The following AK8 variants were observed in gnomAD, a reference collection of about 807,000 sequenced individuals.
AK8 encodes ATP-AMP transphosphorylase 8.
AK8 carries 44 observed loss-of-function variants against 54.6 expected under a neutral mutation model. The observed-to-expected ratio is 0.81, with a 90% CI of 0.63 to 1.04. AK8 has a LOEUF of 1.04. Ranked by LOEUF, AK8 falls within the 50% of genes least tolerant of loss-of-function variation. The pLI, the probability that AK8 is intolerant of heterozygous loss-of-function variation, is 0.00. For missense variants in AK8, 555 were observed against 613.6 expected (o/e 0.90, Z 1.01); for synonymous variants, 239 against 245.6 (o/e 0.97, Z 0.25).
At chr9:132,854,126 G>A (rs570049757) in intron 5 of AK8, among the ~76,000 whole-genome samples, 67 of 152,268 alleles carry the variant, frequency 4.4e-4, no homozygotes, top group Non-Finnish European at 6.8e-4. Context: ...ACTTGAGCCT[G>A]GGAAGTTGAG....
chr9:132,755,518 C>T (rs897565779), intron 11 of AK8, among the ~76,000 whole-genome samples: 1 of 152,336 alleles, frequency 6.6e-6, no homozygotes, highest in African/African-American at 2.4e-5. Flanking sequence ...GGCAGGACTG[C>T]GCCTCACTCC....
chr9:132,820,317 C>T (rs1461728150), intron 9 of AK8, among the ~76,000 whole-genome samples: 1 of 151,972 alleles, frequency 6.6e-6, no homozygotes, highest in African/African-American at 2.4e-5. Context: ...AACTAACATG[C>T]TTTTTTGAAC....
At chr9:132,782,128 C>A (rs191591708) in intron 11 of AK8, among the ~76,000 whole-genome samples, 1 of 152,136 alleles carries the variant, frequency 6.6e-6, no homozygotes, top group Non-Finnish European at 1.5e-5. Context: ...CCGTGGTGAA[C>A]GGAAGAGTGT....
intron 10 of AK8, among the ~76,000 whole-genome samples, chr9:132,802,487 A>C (rs1405575479): frequency 1.3e-5 from 2 of 152,096 alleles, no homozygotes; most frequent in Non-Finnish European, 2.9e-5. Flanking sequence ...GCCGCCCTTG[A>C]ACTCTCTGGA....
chr9:132,875,862 CACTA>C (rs1237658429), intron 1 of AK8, among the ~76,000 whole-genome samples: 1 of 152,244 alleles, frequency 6.6e-6, no homozygotes, highest in Non-Finnish European at 1.5e-5. Context: ...TGACCGTCAC[CACTA>C]ACTGTGTCTC....
At chr9:132,795,084 A>G (rs555890430) in intron 10 of AK8, among the ~76,000 whole-genome samples, 2 of 152,352 alleles carry the variant, frequency 1.3e-5, no homozygotes, top group South Asian at 2.1e-4. Context: ...CCTGGGATAA[A>G]GGATGACAGA....
chr9:132,811,654 G>A (rs569135742), intron 10 of AK8, among the ~76,000 whole-genome samples: 3 of 152,356 alleles, frequency 2.0e-5, no homozygotes, highest in South Asian at 4.1e-4. Flanking sequence ...AGTACCCAGA[G>A]ATGGCAAAGA....
chr9:132,814,735 A>T lies in AK8; in HGVS notation c.890-8T>A, dbSNP rs1841240358. The T allele has an allele frequency of 4.3e-6, 7 of 1,612,552 alleles. No homozygotes were observed. The highest frequency in any genetic ancestry group is 5.9e-6 in the Non-Finnish European group (7 of 1,179,206). On this transcript the variant is annotated splice_polypyrimidine_tract_variant and splice_region_variant and intron_variant, in intron 9 of 12. Transcript: ENST00000298545. Reference sequence around the variant, plus strand: ...GCAGTTGCCCACAGCAGACTGAAGGAGAGGGGAACAGAAAGACACCCATTA... The same window carrying T: ...GCAGTTGCCCACAGCAGACTGAAGGTGAGGGGAACAGAAAGACACCCATTA...
At chr9:132,859,979 C>T (rs552968760) in intron 4 of AK8, among the ~76,000 whole-genome samples, 3 of 151,952 alleles carry the variant, frequency 2.0e-5, no homozygotes, top group African/African-American at 4.8e-5. Context: ...AGGACTGGGG[C>T]CATTTTGACA....
intron 2 of AK8, among the ~76,000 whole-genome samples, chr9:132,872,737 G>A (rs1465860775): frequency 2.6e-5 from 4 of 152,062 alleles, no homozygotes; most frequent in South Asian, 4.1e-4. Context: ...GGGTTCAAGC[G>A]ATTCTCCTGC....
chr9:132,822,334 T>A (rs1279458379), intron 9 of AK8, among the ~76,000 whole-genome samples: 1 of 150,154 alleles, frequency 6.7e-6, no homozygotes, highest in Non-Finnish European at 1.5e-5. Context: ...TATACAAATA[T>A]ACATACAAAT....
intron 9 of AK8, among the ~76,000 whole-genome samples, chr9:132,815,305 C>T (rs577845594): frequency 2.0e-5 from 3 of 152,338 alleles, no homozygotes; most frequent in Admixed American, 6.5e-5. Flanking sequence ...TGGCTGTAAT[C>T]CCAGCTTTTT....
At chr9:132,740,754 T>C (rs1212203740) in intron 11 of AK8, among the ~76,000 whole-genome samples, 1 of 152,108 alleles carries the variant, frequency 6.6e-6, no homozygotes, top group Admixed American at 6.5e-5. Flanking sequence ...ACCTGCACGG[T>C]GGGCCCAGGC....
At chr9:132,852,547 T>G (rs1175619034) in intron 5 of AK8, among the ~76,000 whole-genome samples, 6 of 149,976 alleles carry the variant, frequency 4.0e-5, no homozygotes, top group Non-Finnish European at 7.4e-5. Context: ...GAAGCGGAGG[T>G]TGCAGTGAGC....
At chr9:132,855,314 C>T (rs1376546397) in intron 4 of AK8, among the ~76,000 whole-genome samples, 1 of 152,208 alleles carries the variant, frequency 6.6e-6, no homozygotes, top group Non-Finnish European at 1.5e-5. Context: ...TGTCACTGCA[C>T]TAACCACCGC....
At chr9:132,877,359 G>A (rs762805104) in intron 1 of AK8, among the ~76,000 whole-genome samples, 2 of 152,168 alleles carry the variant, frequency 1.3e-5, no homozygotes, top group Admixed American at 6.5e-5. Context: ...AACCTCAAAT[G>A]ACCACAGACA....
intron 11 of AK8, among the ~76,000 whole-genome samples, chr9:132,734,606 C>T (rs1452608419): frequency 2.6e-5 from 4 of 152,106 alleles, no homozygotes; most frequent in Non-Finnish European, 5.9e-5. Flanking sequence ...AGTGTGGTGG[C>T]GCACCGATAG....
At chr9:132,740,251 G>A (rs1384527811) in intron 11 of AK8, among the ~76,000 whole-genome samples, 1 of 152,224 alleles carries the variant, frequency 6.6e-6, no homozygotes, top group Admixed American at 6.5e-5. Context: ...TGATGTAAAT[G>A]TCTGGTTTTA....
At chr9:132,841,862 AGAG>A (rs772711038) in intron 5 of AK8, among the ~76,000 whole-genome samples, 2 of 152,186 alleles carry the variant, frequency 1.3e-5, no homozygotes, top group Non-Finnish European at 2.9e-5. Flanking sequence ...TTAGAGGAAT[AGAG>A]GAGGAGGAGA....
Sources: gnomAD v4.1 joint callset for allele counts (sites outside exome capture counted in the v4.1 genomes callset) on GRCh38, gnomAD v4.1.1 for gene constraint, MANE v1.5 for transcripts, NCBI Gene and HGNC (gene_info 2026-07-23, HGNC 2026-07-21) for gene names.